PCDHGB6: variants seen among roughly 807,000 people sequenced by gnomAD.
The protein encoded by PCDHGB6 is protocadherin gamma subfamily B, 6.
Under a neutral mutation model 59.1 loss-of-function variants are expected in PCDHGB6, and 51 were observed. The ratio of observed to expected loss-of-function variants is 0.86; its 90% confidence interval spans 0.69 to 1.09. PCDHGB6 has a LOEUF of 1.09. PCDHGB6 is among the 50% of genes least tolerant of loss of function. The pLI, the probability that PCDHGB6 is intolerant of heterozygous loss-of-function variation, is 0.00. For synonymous variants in PCDHGB6, 466 were observed against 495.1 expected, an observed-to-expected ratio of 0.94 and a Z score of 0.78; for missense variants, 1,148 against 1,205.1, an observed-to-expected ratio of 0.95 and a Z score of 0.70.
Position 141,432,604 on chromosome 5 carries a change from A to T in PCDHGB6, c.2418+21984A>T, listed in dbSNP as rs774164351. ...GTCTGCTCAAGGCCAGCGAGCCGGG[A>T]CTCTTCTCGGTGGGTCTGCACACGG... On this transcript the variant is annotated intron_variant, in intron 1 of 3. Coordinates refer to ENST00000520790, the MANE Select transcript of PCDHGB6 (RefSeq NM_018926.3). The surrounding 1 kb of genome is among the most constrained non-coding windows in gnomAD (Gnocchi z 6.0). 1.2e-6 allele frequency: 2 copies of T among 1,610,530 alleles called. No homozygotes were observed. The highest frequency in any genetic ancestry group is 1.7e-6 in the Non-Finnish European group (2 of 1,179,274).
chr5:141,432,463 C>A lies in PCDHGB6; in HGVS notation c.2418+21843C>A, dbSNP rs781407406. On this transcript the variant is annotated intron_variant, in intron 1 of 3. Transcript: ENST00000520790. The surrounding 1 kb of genome is among the most constrained non-coding windows in gnomAD (Gnocchi z 6.0). Reference sequence around the variant, plus strand: ...CCGAGATCCTGTACCCCGCCCTCCCCACGGACGGTTCCACTGGCGTGGAGC... The same window carrying A: ...CCGAGATCCTGTACCCCGCCCTCCCAACGGACGGTTCCACTGGCGTGGAGC... The A allele has an allele frequency of 5.6e-6, 9 of 1,614,120 alleles. No homozygotes were observed. In the Admixed American group the frequency reaches 1.3e-4, roughly 24 times the overall value.
chr5:141,419,505 G>A lies in PCDHGB6; in HGVS notation c.2418+8885G>A, dbSNP rs115850576. The A allele has an allele frequency of 8.4e-4, 1,351 of 1,612,324 alleles. 13 individuals are homozygous for A. In the African/African-American group the frequency reaches 0.015, roughly 18 times the overall value. The stretch of plus-strand genomic sequence containing the variant: ...GCGCTCAGCGCCAATGTGAGCCTGC[G>A]CGTGTTGGTGGGCGACCGTAACGAC... On this transcript the variant is annotated intron_variant, in intron 1 of 3. Transcript: ENST00000520790.
rs775668669 is a variant in PCDHGB6, at chr5:141,409,912, C to A, written c.1710C>A (p.Asp570Glu). 2 of 1,613,180 alleles carry A rather than the reference C, an allele frequency of 1.2e-6. No homozygotes were observed. Among genetic ancestry groups the A allele is most frequent in the African/African-American group, 2.7e-5 (2 of 74,928 alleles). ...PRVLYPALGP[D>E]GSAFFDMVPR... ...TGCTGTACCCAGCTCTGGGTCCTGACGGCTCCGCGTTCTTCGATATGGTAC... is the reference window on the plus strand; with the variant it reads ...TGCTGTACCCAGCTCTGGGTCCTGAAGGCTCCGCGTTCTTCGATATGGTAC... The change falls in exon 1 of 4, where the codon GAC (aspartate) becomes GAA (glutamate). Residue 570 changes from aspartate (D) to glutamate (E), a missense_variant. Transcript: ENST00000520790.
chr5:141,440,481 T>C (rs1451820594), intron 1 of PCDHGB6: 1 of 152,196 alleles, frequency 6.6e-6, no homozygotes, highest in African/African-American at 2.4e-5. Context: ...GAAAATTCTT[T>C]AAATGTTTTT....
chr5:141,495,449 GCT>G (rs560850951), intron 2 of PCDHGB6, among the ~76,000 whole-genome samples: 3 of 152,194 alleles, frequency 2.0e-5, no homozygotes, highest in Non-Finnish European at 2.9e-5. Flanking sequence ...TACTTGTCCT[GCT>G]CTCTGTCTGT....
At position 141,476,304 on chromosome 5, in the gene PCDHGB6, C is replaced by T. The variant is rs769790423; in HGVS notation, c.2419-18503C>T. On this transcript the variant is annotated intron_variant, in intron 1 of 3. Coordinates refer to ENST00000520790, the MANE Select transcript of PCDHGB6 (RefSeq NM_018926.3). The surrounding 1 kb of genome is among the most constrained non-coding windows in gnomAD (Gnocchi z 7.6). Reference sequence around the variant, plus strand: ...GGTTTGGATCTCGGTAGCCTCTCAGCCCGCAGGTTCCGGGTGGTGTCTGGA... The same window carrying T: ...GGTTTGGATCTCGGTAGCCTCTCAGTCCGCAGGTTCCGGGTGGTGTCTGGA... The T allele has an allele frequency of 6.2e-7, 1 of 1,613,746 alleles. No individual in the cohort carries two copies. Among genetic ancestry groups the T allele is most frequent in the Admixed American group, 1.7e-5 (1 of 59,988 alleles).
intron 1 of PCDHGB6, among the ~76,000 whole-genome samples, chr5:141,492,869 A>G (rs975868829): frequency 6.6e-6 from 1 of 152,010 alleles, no homozygotes; most frequent in African/African-American, 2.4e-5. Context: ...CTGGCTCTCA[A>G]CCCCCAGAGA....
chr5:141,476,687 A>G lies in PCDHGB6; in HGVS notation c.2419-18120A>G. 1 of 1,614,212 alleles carries G rather than the reference A, an allele frequency of 6.2e-7. No individual in the cohort carries two copies. Among genetic ancestry groups the G allele is most frequent in the Non-Finnish European group, 8.5e-7 (1 of 1,180,044 alleles). On this transcript the variant is annotated intron_variant, in intron 1 of 3. Transcript: ENST00000520790. This position sits in a 1 kb window ranked among gnomAD's most constrained non-coding sequence, Gnocchi z 7.6. ...TCGCGTGCAGACGCGGGAGGACAGC[A>G]CCAAGTACGCGGAGCTGGTGTTGGA... is the stretch of plus-strand genomic sequence containing the variant.
Position 141,409,346 on chromosome 5 carries a change from G to A in PCDHGB6, c.1144G>A (p.Val382Ile), listed in dbSNP as rs573212606. ...RDLDFGGNGE[V>I]RCNIETDIPF... ...TCTGGATTTCGGAGGAAATGGAGAA[G>A]TCAGGTGTAATATAGAAACAGACAT... is the stretch of plus-strand genomic sequence containing the variant. The change falls in exon 1 of 4, where the codon GTC becomes ATC. Residue 382 changes from valine (V) to isoleucine (I), a missense_variant. This residue lies in a region of PCDHGB6 where 549 missense variants were observed against 527.5 expected (regional missense o/e 1.04). Coordinates refer to ENST00000520790, the MANE Select transcript of PCDHGB6 (RefSeq NM_018926.3). 4.3e-6 allele frequency: 7 copies of A among 1,613,998 alleles called. No individual in the cohort carries two copies. The highest frequency in any genetic ancestry group is 2.2e-5 in the South Asian group (2 of 91,084).
Position 141,432,433 on chromosome 5 carries a change from T to C in PCDHGB6, c.2418+21813T>C, listed in dbSNP as rs760107558. 10 of 1,613,996 alleles carry C rather than the reference T, an allele frequency of 6.2e-6. No individual in the cohort carries two copies. The South Asian group carries it at 8.8e-5, about 14-fold the overall frequency. ...TGTTCGTGCTGGACCAGAACGACAA[T>C]GCGCCCGAGATCCTGTACCCCGCCC... On this transcript the variant is annotated intron_variant, in intron 1 of 3. Transcript: ENST00000520790. This position sits in a 1 kb window ranked among gnomAD's most constrained non-coding sequence, Gnocchi z 6.0.
At chr5:141,478,735 G>T in intron 1 of PCDHGB6, 1 of 1,535,968 alleles carries the variant, frequency 6.5e-7, no homozygotes, top group Non-Finnish European at 8.8e-7. Flanking sequence ...AGTGTGGTTT[G>T]TGGTCCCATT....
chr5:141,481,913 C>CAAAAAAAAAAAAA (rs34114744), intron 1 of PCDHGB6, among the ~76,000 whole-genome samples: 1 of 90,852 alleles, frequency 1.1e-5, no homozygotes. Flanking sequence ...AACTCCATCT[C>CAAAAAAAAAAAAA]AAAAAAAAAA....
intron 1 of PCDHGB6, among the ~76,000 whole-genome samples, chr5:141,481,710 T>C (rs1447483213): frequency 6.6e-6 from 1 of 151,556 alleles, no homozygotes; most frequent in Non-Finnish European, 1.5e-5. Context: ...TCCCAGCACT[T>C]TGGGAGGCGG....
chr5:141,432,413 G>T lies in PCDHGB6; in HGVS notation c.2418+21793G>T, dbSNP rs369816901. On this transcript the variant is annotated intron_variant, in intron 1 of 3. Transcript: ENST00000520790. This position sits in a 1 kb window ranked among gnomAD's most constrained non-coding sequence, Gnocchi z 6.0. ...CAGCAACGTGTCGTTGAGCCTGTTCGTGCTGGACCAGAACGACAATGCGCC... is the reference window on the plus strand; with the variant it reads ...CAGCAACGTGTCGTTGAGCCTGTTCTTGCTGGACCAGAACGACAATGCGCC... The T allele has an allele frequency of 6.2e-7, 1 of 1,614,232 alleles. No homozygotes were observed.
At chr5:141,426,517 A>G (rs893782433) in intron 1 of PCDHGB6, 5 of 343,020 alleles carry the variant, frequency 1.5e-5, no homozygotes, top group African/African-American at 2.1e-5. Context: ...CTTTACCGTG[A>G]ACACGGAGAA....
chr5:141,437,444 G>A (rs957088733), intron 1 of PCDHGB6, among the ~76,000 whole-genome samples: 26 of 152,212 alleles, frequency 1.7e-4, no homozygotes, highest in Admixed American at 2.0e-4. Context: ...GCATAGGAAT[G>A]TTGAGGAGAC....
chr5:141,415,336 C>T (rs746539261), intron 1 of PCDHGB6: 5 of 1,614,200 alleles, frequency 3.1e-6, no homozygotes, highest in South Asian at 2.2e-5. Flanking sequence ...GCACAGGCTG[C>T]GGCGCTGGCA....
At chr5:141,446,312 T>C (rs2098498076) in intron 1 of PCDHGB6, among the ~76,000 whole-genome samples, 1 of 152,208 alleles carries the variant, frequency 6.6e-6, no homozygotes, top group African/African-American at 2.4e-5. Flanking sequence ...GAGTGATTCC[T>C]GGGTTTCCAC....
rs899313364 is a variant in PCDHGB6, at chr5:141,408,974, G to A, written c.772G>A (p.Gly258Arg). 6.2e-7 allele frequency: 1 copy of A among 1,613,808 alleles called. No homozygotes were observed. Among genetic ancestry groups the A allele is most frequent in the South Asian group, 1.1e-5 (1 of 91,070 alleles). The change falls in exon 1 of 4, where the codon GGG becomes AGG. Residue 258 changes from glycine (G) to arginine (R), a missense_variant. Gly to Arg is a moderately radical substitution (Grantham distance 125). Coordinates refer to ENST00000520790, the MANE Select transcript of PCDHGB6 (RefSeq NM_018926.3). ...RISLSENLPP[G>R]SPVLQVTATD... is the part of the protein sequence containing the mutation. Reference sequence around the variant, plus strand: ...TAGTCTTAGTGAAAATCTGCCCCCTGGGTCCCCTGTGTTGCAAGTGACAGC... The same window carrying A: ...TAGTCTTAGTGAAAATCTGCCCCCTAGGTCCCCTGTGTTGCAAGTGACAGC...
Sources: gnomAD v4.1 joint callset for allele counts (sites outside exome capture counted in the v4.1 genomes callset) on GRCh38, gnomAD v4.1.1 for gene constraint, gnomAD v4.1.1 regional missense constraint, Gnocchi (gnomAD v3.1) non-coding constraint, MANE v1.5 for transcripts, NCBI Gene and HGNC (gene_info 2026-07-23, HGNC 2026-07-21) for gene names.